UBE3B: variants seen among roughly 807,000 people sequenced by gnomAD.
UBE3B encodes the protein ubiquitin protein ligase E3B.
UBE3B carries 80 observed loss-of-function variants against 132.3 expected under a neutral mutation model. The ratio of observed to expected loss-of-function variants is 0.60; its 90% confidence interval spans 0.50 to 0.73. The LOEUF is 0.73. Ranked by LOEUF, UBE3B falls within the 30% of genes least tolerant of loss-of-function variation. The probability of loss-of-function intolerance (pLI) is 0.00; values close to 1 mark genes in which losing one functional copy is unlikely to be tolerated. For synonymous variants in UBE3B, 487 were observed against 520.4 expected (o/e 0.94, Z 0.87); for missense variants, 1,196 against 1,362.5 (o/e 0.88, Z 1.92).
intron 8 of UBE3B, 75 bp from the exon 9 acceptor site, chr12:109,490,970 A>T (rs562756062): frequency 3.4e-6 from 5 of 1,481,176 alleles, no homozygotes; most frequent in South Asian, 2.4e-5. Flanking sequence ...CACTCAGTTT[A>T]CTTTTTTGCT....
At chr12:109,480,614 G>C (rs1875212040) in intron 1 of UBE3B, among the ~76,000 whole-genome samples, 1 of 151,294 alleles carries the variant, frequency 6.6e-6, no homozygotes, top group Non-Finnish European at 1.5e-5. Context: ...TTGCACCACT[G>C]CACTCCAGCT....
In UBE3B at chr12:109,530,012, C is replaced by A; in HGVS notation, c.2750C>A (p.Thr917Asn). Reference sequence around the variant, plus strand: ...CCCGAGTGGATCCGAATGTTCTCAACTCCTGAACTGCAGCGTCTCATCTCT... The same window carrying A: ...CCCGAGTGGATCCGAATGTTCTCAAATCCTGAACTGCAGCGTCTCATCTCT... ...IKPEWIRMFS[T>N]PELQRLISGD... Residue 917 changes from threonine to asparagine, a missense_variant, in exon 25 of 28, where the codon ACT (threonine) becomes AAT (asparagine). Physicochemically the swap from Thr to Asn is moderately conservative, Grantham distance 65 (BLOSUM62 0). Coordinates refer to ENST00000342494, the MANE Select transcript of UBE3B (RefSeq NM_130466.4). 1 of 1,614,104 alleles carries A rather than the reference C, an allele frequency of 6.2e-7. No individual in the cohort carries two copies. Among genetic ancestry groups the A allele is most frequent in the Non-Finnish European group, 8.5e-7 (1 of 1,180,030 alleles).
intron 24 of UBE3B, 48 bp downstream of exon 24, chr12:109,526,464 A>G (rs1234121955): frequency 1.3e-6 from 2 of 1,565,816 alleles, no homozygotes; most frequent in Admixed American, 3.3e-5. Context: ...AAAAGACTTC[A>G]TTCTGGCTCT....
chr12:109,514,769 TC>T (rs1174743720), intron 18 of UBE3B, among the ~76,000 whole-genome samples: 6 of 151,820 alleles, frequency 4.0e-5, no homozygotes, highest in Admixed American at 3.9e-4. Flanking sequence ...CTGTCCCCTC[TC>T]TTCTGCATGG....
chr12:109,519,512 C>T (rs938275460), intron 19 of UBE3B: 2 of 152,216 alleles, frequency 1.3e-5, no homozygotes, highest in African/African-American at 4.8e-5. Flanking sequence ...TTCACATGTA[C>T]CATCCCATTT....
At chr12:109,537,416 G>A (rs1883492991), downstream of UBE3B, among the ~76,000 whole-genome samples, 1 of 152,174 alleles carries the variant, frequency 6.6e-6, no homozygotes, top group Non-Finnish European at 1.5e-5. Flanking sequence ...AGTCCCAGTG[G>A]CTTCTCGCTG....
At chr12:109,511,655 G>A (rs1209023619) in intron 18 of UBE3B, among the ~76,000 whole-genome samples, 1 of 152,194 alleles carries the variant, frequency 6.6e-6, no homozygotes, top group Non-Finnish European at 1.5e-5. Context: ...TGTGCAGTGT[G>A]GCTGGAGAGA....
chr12:109,500,339 A>C (rs756382904), intron 12 of UBE3B, among the ~76,000 whole-genome samples: 1 of 152,192 alleles, frequency 6.6e-6, no homozygotes, highest in Non-Finnish European at 1.5e-5. Flanking sequence ...TGAAATATCT[A>C]CCTGAGCTGA....
chr12:109,508,439 T>G, intron 15 of UBE3B: 2 of 886,112 alleles, frequency 2.3e-6, no homozygotes, highest in Non-Finnish European at 2.7e-6. Context: ...AGTGGGAAAT[T>G]AACAAACATT....
Position 109,524,052 on chromosome 12 carries a change from T to C in UBE3B, c.2439T>C (p.Tyr813=). ...QLLGHHHSVF[Y]SSVDELPSLD... is the part of the protein sequence containing the mutation. ...TTGGGCACCACCACAGCGTCTTCTA[T>C]AGCTCGGTGGATGAACTGCCTTCTC... The change falls in exon 22 of 28, where the codon TAT becomes TAC. Residue 813 remains tyrosine (Y), a synonymous_variant. Coordinates refer to ENST00000342494, the MANE Select transcript of UBE3B (RefSeq NM_130466.4). The C allele has an allele frequency of 1.9e-6, 3 of 1,614,230 alleles. No homozygotes were observed. Among genetic ancestry groups the C allele is most frequent in the Non-Finnish European group, 2.5e-6 (3 of 1,180,034 alleles).
chr12:109,509,558 T>A, intron 15 of UBE3B, 38 bp from the exon 16 acceptor site: 1 of 1,438,682 alleles, frequency 7.0e-7, no homozygotes. Context: ...TCGCCTTTTT[T>A]CAGTGTGGAA....
downstream of UBE3B, among the ~76,000 whole-genome samples, chr12:109,538,117 G>A (rs1441819376): frequency 6.6e-6 from 1 of 152,246 alleles, no homozygotes; most frequent in Non-Finnish European, 1.5e-5. This position sits in a 1 kb window ranked among gnomAD's most constrained non-coding sequence, Gnocchi z 4.1. Context: ...GTAATATGCT[G>A]ACAGAACTTG....
chr12:109,486,516 T>A lies in UBE3B; in HGVS notation c.388T>A (p.Trp130Arg). The change falls in exon 6 of 28, where the codon TGG (tryptophan) becomes AGG (arginine). Residue 130 changes from tryptophan (W) to arginine (R), a missense_variant. Trp to Arg is a moderately radical substitution (Grantham distance 101). Transcript: ENST00000342494. ...TTGTTCTAAGGACCTCACCCTCCTT[T>A]GGATTCAACAGATCAAGAACATTTT... ...LACSKDLTLL[W>R]IQQIKNILWY... is the part of the protein sequence containing the mutation. 1 of 1,610,278 alleles carries A rather than the reference T, an allele frequency of 6.2e-7. No individual in the cohort carries two copies. The highest frequency in any genetic ancestry group is 1.1e-5 in the South Asian group (1 of 90,968).
intron 14 of UBE3B, among the ~76,000 whole-genome samples, chr12:109,504,625 C>T (rs1366384278): frequency 6.6e-6 from 1 of 152,156 alleles, no homozygotes; most frequent in African/African-American, 2.4e-5. Flanking sequence ...AGAGGTGACA[C>T]TCTGGGAGCA....
chr12:109,500,813 C>T (rs959216587), intron 12 of UBE3B, among the ~76,000 whole-genome samples: 1 of 152,212 alleles, frequency 6.6e-6, no homozygotes, highest in African/African-American at 2.4e-5. Flanking sequence ...GAAGCACCTA[C>T]CAGCAGGCAG....
chr12:109,535,096 TC>T lies in UBE3B; in HGVS notation c.*316del. ...GTTTGATCTTTTGGGAGTCTGTCTT[TC>T]CTTAGCCGTCTGAGTGAGCTGTGTA... On this transcript the variant is annotated 3_prime_UTR_variant, in exon 28 of 28. Transcript: ENST00000342494. 1 of 245,102 alleles carries T rather than the reference TC, an allele frequency of 4.1e-6. No homozygotes were observed. Among genetic ancestry groups the T allele is most frequent in the Non-Finnish European group, 7.8e-6 (1 of 128,798 alleles). The allele number at this position is 245,102 out of a possible 1,614,324, so 15.2% of individuals were successfully genotyped here. A position where few individuals can be genotyped will look rare whatever the true frequency, so the allele number is the denominator to read the frequency against.
chr12:109,519,290 TGAA>T lies in UBE3B; in HGVS notation c.2077-1852_2077-1850del, dbSNP rs545520043. On this transcript the variant is annotated intron_variant, in intron 19 of 27. Transcript: ENST00000342494. ...CCTGTGTGTGCATGTTGAGATGCAG[TGAA>T]GAAGAGGAACGCTGACTCACATTCA... 3.9e-5 allele frequency among the ~76,000 whole-genome samples: 6 copies of T among 152,298 alleles called. No individual in the cohort carries two copies. In the South Asian group the frequency reaches 1.2e-3, roughly 32 times the overall value.
At position 109,528,379 on chromosome 12, in the gene UBE3B, A is replaced by G. The variant is rs539440876; in HGVS notation, c.2628-1511A>G. ...CAAAGTATACCTGGAAGGAGGAGCA[A>G]TGATAGGAAAATCGTATTTGTATGT... On this transcript the variant is annotated intron_variant, in intron 24 of 27. Transcript: ENST00000342494. 1.5e-5 allele frequency: 15 copies of G among 985,360 alleles called. No individual in the cohort carries two copies. In the East Asian group the frequency reaches 1.0e-3, roughly 67 times the overall value. The allele number at this position is 985,360 out of a possible 1,614,324, so 61.0% of individuals were successfully genotyped here.
rs770683123 is a variant in UBE3B at position 109,491,072 on chromosome 12, C to A, written c.658C>A (p.Pro220Thr). ...ATTGTTAACCCGTGGCCTGGCAAGA[C>A]CCCGTCCTTGTCTATCCAAAGGCAC... ...QILLTRGLAR[P>T]RPCLSKGTLT... is the part of the protein sequence containing the mutation. Residue 220 changes from proline to threonine, a missense_variant, in exon 9 of 28, where the codon CCC becomes ACC. Transcript: ENST00000342494. 2 of 1,614,070 alleles carry A rather than the reference C, an allele frequency of 1.2e-6. No homozygotes were observed. The highest frequency in any genetic ancestry group is 8.5e-7 in the Non-Finnish European group (1 of 1,179,954).
Sources: allele counts gnomAD v4.1 joint callset (sites outside exome capture counted in the v4.1 genomes callset), GRCh38; gene constraint gnomAD v4.1.1; non-coding constraint Gnocchi (gnomAD v3.1); transcripts MANE v1.5; gene names NCBI Gene and HGNC (gene_info 2026-07-23, HGNC 2026-07-21).